Variants in ZCCHC14 observed in about 807,000 individuals in gnomAD.
The protein encoded by ZCCHC14 is zinc finger CCHC domain-containing protein 14.
A neutral mutation model predicts 85.0 loss-of-function variants in ZCCHC14; 16 were observed. The ratio of observed to expected loss-of-function variants is 0.19; its 90% CI spans 0.13 to 0.29. The LOEUF (loss-of-function observed/expected upper bound fraction) is 0.29, where lower values mean the gene tolerates loss of function less well. ZCCHC14 is among the 10% of genes least tolerant of loss of function. The pLI is 1.00. For missense variants in ZCCHC14, 1,303 were observed against 1,443.5 expected (o/e 0.90, Z 1.58); for synonymous variants, 775 against 630.7 (o/e 1.23, Z -3.43).
chr16:87,479,820 C>A (rs1912184431), intron 1 of ZCCHC14, among the ~76,000 whole-genome samples: 1 of 152,210 alleles, frequency 6.6e-6, no homozygotes, highest in Admixed American at 6.5e-5. Flanking sequence ...TTCTTCCGAG[C>A]TCTCAGCTGA....
chr16:87,426,817 A>C (rs1232659829), intron 3 of ZCCHC14, among the ~76,000 whole-genome samples: 1 of 152,226 alleles, frequency 6.6e-6, no homozygotes, highest in Non-Finnish European at 1.5e-5. Flanking sequence ...AAACTAAAAA[A>C]TTTTCATCAA....
chr16:87,477,551 C>T (rs955922981), intron 1 of ZCCHC14, among the ~76,000 whole-genome samples: 6 of 152,224 alleles, frequency 3.9e-5, no homozygotes, highest in African/African-American at 1.4e-4. Flanking sequence ...GAAGTCAACA[C>T]ACAAACAATT....
At chr16:87,414,026 G>A (rs969595987) in intron 10 of ZCCHC14, among the ~76,000 whole-genome samples, 1 of 152,248 alleles carries the variant, frequency 6.6e-6, no homozygotes, top group South Asian at 2.1e-4. Flanking sequence ...ATTTAAAAAT[G>A]TAAAAATCAA....
Position 87,492,917 on chromosome 16 carries a change from G to GGCGACGGCGA in ZCCHC14, c.-680_-679insTCGCCGTCGC. ...GGATCCGGGCCCGAGCGCGGCGGCG[G>GGCGACGGCGA]CGGCGACGGCGACGGCGACGGCGAC... On this transcript the variant is annotated 5_prime_UTR_variant, in exon 1 of 13. Transcript: ENST00000671377. This position sits in a 1 kb window ranked among gnomAD's most constrained non-coding sequence, Gnocchi z 6.7. Among the ~76,000 whole-genome samples, 1 of 145,324 alleles carries GGCGACGGCGA rather than the reference G, an allele frequency of 6.9e-6. No homozygotes were observed. The highest frequency in any genetic ancestry group is 2.6e-5 in the African/African-American group (1 of 39,088).
intron 1 of ZCCHC14, among the ~76,000 whole-genome samples, chr16:87,477,909 C>G (rs1912096204): frequency 6.6e-6 from 1 of 150,984 alleles, no homozygotes; most frequent in African/African-American, 2.4e-5. Flanking sequence ...CCCCCTGAAC[C>G]TGCTGCCCCT....
rs183923097 is a variant in ZCCHC14, at chr16:87,479,472, T to C, written c.570+12197A>G. On this transcript the variant is annotated intron_variant, in intron 1 of 12. Transcript: ENST00000671377. ...AATTTCTTTCTGGTAATTCTATTGA[T>C]GCTTTTATGCAAATGTCCCAAATAA... 2.4e-4 allele frequency among the ~76,000 whole-genome samples: 37 copies of C among 151,728 alleles called. 2 individuals are homozygous for C. The East Asian group carries it at 5.2e-3, about 21-fold the overall frequency.
chr16:87,447,036 CAT>C (rs1032173853), intron 2 of ZCCHC14, among the ~76,000 whole-genome samples: 9 of 152,172 alleles, frequency 5.9e-5, no homozygotes, highest in African/African-American at 1.2e-4. Context: ...ACAAATACCA[CAT>C]GAGAATTTTC....
In ZCCHC14 at chr16:87,411,507, C is replaced by T. The variant is rs779602608; in HGVS notation, c.3205+9G>A. The T allele has an allele frequency of 3.7e-6, 6 of 1,613,104 alleles. No homozygotes were observed. Among genetic ancestry groups the T allele is most frequent in the East Asian group, 2.2e-5 (1 of 44,888 alleles). ...GAGCCTGGTGGGCGCGGCCATGGCG[C>T]GCGCTTACCTGGCCGGTTGAAGTCC... is the stretch of plus-strand genomic sequence containing the variant. On this transcript the variant is annotated intron_variant, in intron 12 of 12. Transcript: ENST00000671377.
intron 1 of ZCCHC14, among the ~76,000 whole-genome samples, chr16:87,483,284 C>A (rs1455791560): frequency 3.5e-5 from 4 of 113,102 alleles, no homozygotes; most frequent in African/African-American, 1.3e-4. Context: ...ATGGTGAAAC[C>A]CCATCTCTAC....
At chr16:87,490,153 T>TA (rs1285779556) in intron 1 of ZCCHC14, among the ~76,000 whole-genome samples, 1 of 151,878 alleles carries the variant, frequency 6.6e-6, no homozygotes, top group African/African-American at 2.4e-5. Flanking sequence ...AAAATCAATT[T>TA]AAAAAAACCG....
Position 87,413,106 on chromosome 16 carries a change from C to A in ZCCHC14, c.1693G>T (p.Gly565Trp), listed in dbSNP as rs750844898. Residue 565 changes from glycine to tryptophan, a missense_variant, in exon 11 of 13, where the codon GGG (glycine) becomes TGG (tryptophan). Around this residue, in one of 7 missense-constraint regions of ZCCHC14, gnomAD observed 797 missense variants for 730.8 expected, o/e 1.09. Transcript: ENST00000671377. Reference protein sequence around the residue: ...EYSSSSSSPMGVQAREESSDS... With the variant: ...EYSSSSSSPMWVQAREESSDS... ...GAGCTCTCTTCCCGGGCCTGTACCC[C>A]CATGGGGCTGGAGGAGGAGCTGGAG... is the stretch of plus-strand genomic sequence containing the variant. 2.5e-6 allele frequency: 4 copies of A among 1,613,876 alleles called. No homozygotes were observed. Among genetic ancestry groups the A allele is most frequent in the Non-Finnish European group, 2.5e-6 (3 of 1,179,990 alleles).
intron 1 of ZCCHC14, among the ~76,000 whole-genome samples, chr16:87,477,762 C>T (rs1408607345): frequency 6.6e-6 from 1 of 152,060 alleles, no homozygotes; most frequent in East Asian, 1.9e-4. Flanking sequence ...ACCGCCACGC[C>T]CCCACCGCAT....
At chr16:87,426,057 G>A (rs2150732840) in intron 3 of ZCCHC14, among the ~76,000 whole-genome samples, 2 of 152,344 alleles carry the variant, frequency 1.3e-5, no homozygotes, top group Admixed American at 1.3e-4. Flanking sequence ...TCCTCCCTAA[G>A]GCTATCAGAA....
intron 3 of ZCCHC14, among the ~76,000 whole-genome samples, chr16:87,432,743 G>C (rs1909724004): frequency 6.6e-6 from 1 of 152,218 alleles, no homozygotes; most frequent in African/African-American, 2.4e-5. Context: ...GAACGTGTCA[G>C]TTTAAGGAGC....
At chr16:87,423,120 G>A (rs1452160163) in intron 4 of ZCCHC14, among the ~76,000 whole-genome samples, 1 of 152,240 alleles carries the variant, frequency 6.6e-6, no homozygotes, top group East Asian at 1.9e-4. Flanking sequence ...GCATCACTTT[G>A]GCTGAGACAG....
intron 3 of ZCCHC14, among the ~76,000 whole-genome samples, chr16:87,431,087 C>G (rs1467897324): frequency 6.6e-6 from 1 of 151,730 alleles, no homozygotes; most frequent in Non-Finnish European, 1.5e-5. Flanking sequence ...TGTAGTGAAC[C>G]AAGATCATGC....
At chr16:87,467,425 T>C in intron 1 of ZCCHC14, 8 of 1,602,986 alleles carry the variant, frequency 5.0e-6, no homozygotes, top group South Asian at 1.1e-5. Context: ...GGAGCAAATA[T>C]GATTGGTAAT....
chr16:87,446,560 C>T (rs986688226), intron 2 of ZCCHC14, among the ~76,000 whole-genome samples: 1 of 152,054 alleles, frequency 6.6e-6, no homozygotes, highest in African/African-American at 2.4e-5. Flanking sequence ...TGGCCCTTTA[C>T]AGAAAACGTT....
chr16:87,440,694 C>G (rs1297316055), intron 2 of ZCCHC14, among the ~76,000 whole-genome samples: 1 of 150,958 alleles, frequency 6.6e-6, no homozygotes, highest in Non-Finnish European at 1.5e-5. Context: ...GCAGCCTCGA[C>G]CTCCTGGGTC....
Sources: gnomAD v4.1 joint callset for allele counts (sites outside exome capture counted in the v4.1 genomes callset) on GRCh38, gnomAD v4.1.1 for gene constraint, gnomAD v4.1.1 regional missense constraint, Gnocchi (gnomAD v3.1) non-coding constraint, MANE v1.5 for transcripts, NCBI Gene and HGNC (gene_info 2026-07-23, HGNC 2026-07-21) for gene names.